The following TDRD9 variants were observed in gnomAD, a reference collection of about 807,000 sequenced individuals.
TDRD9 encodes the protein ATP-dependent RNA helicase TDRD9.
A neutral mutation model predicts 172.6 loss-of-function variants in TDRD9; 124 were observed. The ratio of observed to expected loss-of-function variants is 0.72; its 90% CI spans 0.62 to 0.83. The LOEUF is 0.83. Among genes scored for constraint, TDRD9 ranks in the 40% least tolerant of loss-of-function variants. The pLI, the probability that TDRD9 is intolerant of heterozygous loss-of-function variation, is 0.00. For missense variants in TDRD9, 1,479 were observed against 1,714.1 expected (o/e 0.86, Z 2.42); for synonymous variants, 619 against 617.1 (o/e 1.00, Z -0.05).
At chr14:104,029,921 CTG>C (rs1482714017) in intron 28 of TDRD9, among the ~76,000 whole-genome samples, 2 of 152,080 alleles carry the variant, frequency 1.3e-5, no homozygotes, top group African/African-American at 4.8e-5. Context: ...TTTTCTGCAT[CTG>C]TTGAGATGAT....
intron 2 of TDRD9, among the ~76,000 whole-genome samples, chr14:103,959,455 C>CGTGT (rs151216232): frequency 0.33 from 48,126 of 143,936 alleles, 8,540 homozygotes; most frequent in Middle Eastern, 0.39. Context: ...GTCAGGTTAT[C>CGTGT]GTGTGTGTGT....
intron 30 of TDRD9, among the ~76,000 whole-genome samples, chr14:104,033,568 A>T (rs1420087921): frequency 2.0e-5 from 3 of 152,184 alleles, no homozygotes; most frequent in African/African-American, 7.2e-5. Flanking sequence ...GAGGGGTGAC[A>T]GAGGAACTGT....
intron 8 of TDRD9, among the ~76,000 whole-genome samples, chr14:103,986,951 T>C (rs2033682329): frequency 6.6e-6 from 1 of 152,014 alleles, no homozygotes; most frequent in South Asian, 2.1e-4. Flanking sequence ...CTGTCTCTAC[T>C]AAAATACAAA....
chr14:104,021,554 G>T lies in TDRD9; in HGVS notation c.2433-603G>T, dbSNP rs556120439. ...CTAAAAATACAAAAATTAGCTGGAC[G>T]TGGTGGCACACGCCTGCAGTCCCAG... On this transcript the variant is annotated intron_variant, in intron 23 of 35. Transcript: ENST00000409874. Among the ~76,000 whole-genome samples, 19 of 152,196 alleles carry T rather than the reference G, an allele frequency of 1.2e-4. No homozygotes were observed. In the East Asian group the frequency reaches 3.1e-3, roughly 25 times the overall value.
At chr14:104,016,807 G>A (rs1379825900) in intron 22 of TDRD9, among the ~76,000 whole-genome samples, 8 of 152,298 alleles carry the variant, frequency 5.3e-5, no homozygotes, top group African/African-American at 1.7e-4. Flanking sequence ...AAGTTCCTTC[G>A]TGTCATATCG....
At chr14:104,042,003 C>A (rs2035623816) in intron 33 of TDRD9, 66 bp from the exon 34 acceptor site, 1 of 1,067,888 alleles carries the variant, frequency 9.4e-7, no homozygotes, top group Non-Finnish European at 1.4e-6. Context: ...GCTATGAATT[C>A]TCTAACGGGA....
chr14:103,991,759 ATT>A (rs5811125), intron 9 of TDRD9, among the ~76,000 whole-genome samples: 1,453 of 143,166 alleles, frequency 0.01, 13 homozygotes, highest in African/African-American at 0.03. Context: ...TAAGAGTTCA[ATT>A]TTTTTTTTTT....
chr14:103,955,143 C>T (rs889477408), intron 1 of TDRD9, among the ~76,000 whole-genome samples: 7 of 151,282 alleles, frequency 4.6e-5, no homozygotes, highest in Middle Eastern at 3.5e-3. Flanking sequence ...AGGCTGGTCT[C>T]GAACTTCTGA....
chr14:103,977,385 CG>C (rs1566754174), intron 7 of TDRD9, among the ~76,000 whole-genome samples: 1 of 147,998 alleles, frequency 6.8e-6, no homozygotes, highest in Non-Finnish European at 1.5e-5. Context: ...CCCAGCTACT[CG>C]GGAAGCTGAG....
In TDRD9 at chr14:104,034,032, A is replaced by G. The variant is rs1449736822; in HGVS notation, c.3582A>G (p.Arg1194=). ...ISDAPEDLHQ[R]MLVAASLSIN... is the part of the protein sequence containing the mutation. ...ACGCCCCTGAAGACCTTCACCAGAGAATGCTGGTTGCAGCTTCCCTTTCCA... is the reference window on the plus strand; with the variant it reads ...ACGCCCCTGAAGACCTTCACCAGAGGATGCTGGTTGCAGCTTCCCTTTCCA... Residue 1194 remains arginine, a synonymous_variant, in exon 31 of 36, where the codon AGA becomes AGG. Coordinates refer to ENST00000409874, the MANE Select transcript of TDRD9 (RefSeq NM_153046.3). 2 of 1,550,864 alleles carry G rather than the reference A, an allele frequency of 1.3e-6. No homozygotes were observed. Among genetic ancestry groups the G allele is most frequent in the East Asian group, 2.4e-5 (1 of 40,910 alleles).
intron 23 of TDRD9, 77 bp from the exon 24 acceptor site, chr14:104,022,080 G>T (rs2034972166): frequency 1.7e-6 from 2 of 1,170,500 alleles, no homozygotes; most frequent in Non-Finnish European, 2.4e-6. Context: ...CAGAATTTCT[G>T]TCTTGAGAGA....
chr14:104,026,122 G>C lies in TDRD9; in HGVS notation c.3007G>C (p.Glu1003Gln), dbSNP rs1166628147. 3 of 1,606,016 alleles carry C rather than the reference G, an allele frequency of 1.9e-6. No homozygotes were observed. The Admixed American group carries it at 5.0e-5, about 27-fold the overall frequency. The change falls in exon 27 of 36, where the codon GAA becomes CAA. Residue 1003 changes from glutamate (E) to glutamine (Q), a missense_variant. By Grantham distance (29) the Glu-to-Gln change is conservative. Transcript: ENST00000409874. ...GATGGAGATTCCCTGTCAATTTCTT[G>C]AACTTCCTTTCCAGGTAAGGTAGAG... ...LLMEIPCQFLELPFQALEFKI... is the reference protein window; with the variant it reads ...LLMEIPCQFLQLPFQALEFKI...
chr14:104,015,774 A>G (rs1007646688), intron 21 of TDRD9, among the ~76,000 whole-genome samples: 2 of 152,180 alleles, frequency 1.3e-5, no homozygotes, highest in African/African-American at 4.8e-5. Context: ...AGGTGAAAAA[A>G]GTGTTTATTT....
In TDRD9 at chr14:104,034,074, T is replaced by C; in HGVS notation, c.3619+5T>C. 6.5e-7 allele frequency: 1 copy of C among 1,537,078 alleles called. No homozygotes were observed. Among genetic ancestry groups the C allele is most frequent in the East Asian group, 2.4e-5 (1 of 40,818 alleles). On this transcript the variant is annotated splice_donor_5th_base_variant and intron_variant, in intron 31 of 35. Coordinates refer to ENST00000409874, the MANE Select transcript of TDRD9 (RefSeq NM_153046.3). ...CCCTTTCCATCAATGCGACTGGTAA[T>C]TTAAAGATCCTGTTTATTCCTTGTC...
chr14:104,040,616 A>C (rs1257692302), intron 33 of TDRD9, among the ~76,000 whole-genome samples: 1 of 152,222 alleles, frequency 6.6e-6, no homozygotes, highest in Non-Finnish European at 1.5e-5. Flanking sequence ...GCAATCAGCT[A>C]AACCACGGGG....
rs537726623 is a variant in TDRD9 at position 104,049,517 on chromosome 14, A to C, written c.3975-91A>C. 35 of 964,656 alleles carry C rather than the reference A, an allele frequency of 3.6e-5. 1 individual carries two copies. In the South Asian group the frequency reaches 6.0e-4, roughly 17 times the overall value. 59.8% of individuals were successfully genotyped at this position (964,656 alleles called of 1,614,324 possible). On this transcript the variant is annotated intron_variant, in intron 34 of 35. Transcript: ENST00000409874. ...TTATTCTAGTTCCAATTCTGTGGGA[A>C]GCATATAGGATTTAAATCTTTAAAA...
intron 1 of TDRD9, among the ~76,000 whole-genome samples, chr14:103,952,327 G>A (rs2031970155): frequency 7.4e-6 from 1 of 135,228 alleles, no homozygotes; most frequent in African/African-American, 2.8e-5. Flanking sequence ...TGCAAGCTCC[G>A]CCTCCCGGGT....
intron 13 of TDRD9, among the ~76,000 whole-genome samples, chr14:104,000,957 G>A (rs1207982698): frequency 6.6e-6 from 1 of 152,106 alleles, no homozygotes; most frequent in Non-Finnish European, 1.5e-5. Flanking sequence ...ATAAGATATT[G>A]CAAAAATAGC....
intron 20 of TDRD9, among the ~76,000 whole-genome samples, chr14:104,010,899 T>C (rs1383588374): frequency 1.3e-5 from 2 of 152,190 alleles, no homozygotes; most frequent in African/African-American, 4.8e-5. Context: ...TGCATATAAG[T>C]GGGCCCTCGC....
Sources: gnomAD v4.1 joint callset for allele counts (sites outside exome capture counted in the v4.1 genomes callset) on GRCh38, gnomAD v4.1.1 for gene constraint, MANE v1.5 for transcripts, NCBI Gene and HGNC (gene_info 2026-07-23, HGNC 2026-07-21) for gene names.